TEX11: variants seen among roughly 807,000 people sequenced by gnomAD.
The protein encoded by TEX11 is testis-expressed protein 11.
A neutral mutation model predicts 84.4 loss-of-function variants in TEX11; 7 were observed. That is an observed-to-expected ratio of 0.08 (90% confidence interval 0.05 to 0.16). The LOEUF is 0.16. Ranked by LOEUF, TEX11 falls within the 10% of genes least tolerant of loss-of-function variation. TEX11 has a pLI of 1.00. For synonymous variants in TEX11, 264 were observed against 222.8 expected, an observed-to-expected ratio of 1.18 and a Z score of -1.64; for missense variants, 551 against 660.5, an observed-to-expected ratio of 0.83 and a Z score of 1.82.
At chrX:70,593,964 A>C (rs1363204797) in intron 24 of TEX11, among the ~76,000 whole-genome samples, 1 of 111,954 alleles carries the variant, frequency 8.9e-6, no homozygotes, top group Non-Finnish European at 1.9e-5. Flanking sequence ...AATATTTTAA[A>C]CAAATGGCTG....
At chrX:70,587,384 T>C (rs1009426597) in intron 25 of TEX11, among the ~76,000 whole-genome samples, 1 of 112,274 alleles carries the variant, frequency 8.9e-6, no homozygotes, top group African/African-American at 3.2e-5. Context: ...CTGCTTTGTG[T>C]ACTCTTGGAA....
chrX:70,715,763 G>A (rs1038486605), intron 13 of TEX11, among the ~76,000 whole-genome samples: 6 of 111,735 alleles, frequency 5.4e-5, no homozygotes, highest in Non-Finnish European at 1.1e-4. Flanking sequence ...GGAGTAGTTT[G>A]ATCGTCTGAA....
chrX:70,752,125 CA>C (rs1193949604), intron 9 of TEX11, among the ~76,000 whole-genome samples: 1 of 111,685 alleles, frequency 9.0e-6, no homozygotes, highest in Non-Finnish European at 1.9e-5. Flanking sequence ...TTTAAAAACA[CA>C]ATAAATATGT....
At chrX:70,714,328 T>C (rs1292700150) in intron 13 of TEX11, among the ~76,000 whole-genome samples, 1 of 111,291 alleles carries the variant, frequency 9.0e-6, no homozygotes, top group Non-Finnish European at 1.9e-5. Flanking sequence ...CAGAGCTGAG[T>C]TCAGTTCCTG....
At chrX:70,778,687 G>A (rs1162788347) in intron 9 of TEX11, among the ~76,000 whole-genome samples, 1 of 110,257 alleles carries the variant, frequency 9.1e-6, no homozygotes, top group South Asian at 3.9e-4. Context: ...GTAGAGACAA[G>A]GTCTTGCTAC....
At chrX:70,639,234 C>T (rs146953016) in intron 17 of TEX11, among the ~76,000 whole-genome samples, 2,105 of 111,931 alleles carry the variant, frequency 0.019, 26 homozygotes, top group Middle Eastern at 0.083. Context: ...CAGCGCACCA[C>T]GAGATTATAT....
chrX:70,820,827 T>C (rs2091314642), intron 8 of TEX11, among the ~76,000 whole-genome samples: 2 of 111,806 alleles, frequency 1.8e-5, no homozygotes, highest in Non-Finnish European at 3.8e-5. Flanking sequence ...CATTGGAGAT[T>C]ACGCTTCAAC....
chrX:70,738,191 A>G (rs1451986202), intron 11 of TEX11, among the ~76,000 whole-genome samples: 1 of 112,003 alleles, frequency 8.9e-6, no homozygotes, highest in African/African-American at 3.2e-5. Flanking sequence ...AAATTTTTAC[A>G]ATCTACCCAT....
intron 25 of TEX11, among the ~76,000 whole-genome samples, chrX:70,557,853 T>C (rs1025896667): frequency 4.5e-5 from 5 of 111,991 alleles, no homozygotes; most frequent in Non-Finnish European, 9.4e-5. Flanking sequence ...CAAAGCTTAC[T>C]AGAAAGCAAT....
At chrX:70,853,372 T>G in intron 5 of TEX11, 44 bp from the exon 6 acceptor site, 1 of 920,084 alleles carries the variant, frequency 1.1e-6, no homozygotes, top group Non-Finnish European at 1.5e-6. Context: ...AATTCATACC[T>G]CCCCCAAATT....
chrX:70,598,256 C>A (rs1252373515), intron 24 of TEX11, among the ~76,000 whole-genome samples: 1 of 111,977 alleles, frequency 8.9e-6, no homozygotes, highest in Non-Finnish European at 1.9e-5. Flanking sequence ...AATAAACACA[C>A]GAAAAGATTC....
intron 9 of TEX11, among the ~76,000 whole-genome samples, chrX:70,781,257 A>G (rs1028180685): frequency 5.4e-5 from 6 of 111,927 alleles, no homozygotes; most frequent in Non-Finnish European, 9.4e-5. Context: ...AAACAGAAAG[A>G]AATAGCATCA....
Position 70,563,398 on chromosome X carries a change from T to C in TEX11, c.2141-8598A>G, listed in dbSNP as rs151111143. On this transcript the variant is annotated intron_variant, in intron 25 of 29. Coordinates refer to ENST00000374333, the MANE Select transcript of TEX11 (RefSeq NM_031276.3). ...ATAGTTGATCTGAAGAAGACAGAGC[T>C]TAACAAATGCTTTGGAAACCGTCTT... is the stretch of plus-strand genomic sequence containing the variant. 4.4e-3 allele frequency among the ~76,000 whole-genome samples: 494 copies of C among 112,046 alleles called. 3 individuals are homozygous for C. The highest frequency in any genetic ancestry group is 0.016 in the African/African-American group (479 of 30,884).
At chrX:70,589,507 C>A (rs748097001) in intron 25 of TEX11, among the ~76,000 whole-genome samples, 151 of 110,999 alleles carry the variant, frequency 1.4e-3, no homozygotes, top group Non-Finnish European at 1.5e-3. Context: ...GGACAGTTAG[C>A]ATTCTGACAT....
At chrX:70,761,083 T>C (rs1467861119) in intron 9 of TEX11, among the ~76,000 whole-genome samples, 1 of 111,837 alleles carries the variant, frequency 8.9e-6, no homozygotes, top group Non-Finnish European at 1.9e-5. Flanking sequence ...CCAGTTAGAA[T>C]GGTGATCACT....
intron 17 of TEX11, among the ~76,000 whole-genome samples, chrX:70,642,537 C>T (rs1230662334): frequency 2.3e-4 from 24 of 103,151 alleles, no homozygotes; most frequent in Non-Finnish European, 3.8e-4. Flanking sequence ...ACTGGCAAAC[C>T]GAATCCAGCA....
intron 9 of TEX11, among the ~76,000 whole-genome samples, chrX:70,768,881 C>G (rs1176867918): frequency 8.9e-6 from 1 of 111,855 alleles, no homozygotes; most frequent in African/African-American, 3.2e-5. Flanking sequence ...TTTAACAGTT[C>G]CTTGTCTACA....
rs1204574350 is a variant in TEX11 at position 70,773,017 on chromosome X, GCAA to G, written c.693-28801_693-28799del. ...GGACTCCATAAAGGAAAACAAACAA[GCAA>G]CAACAACAACAAAAAAAACACTATA... On this transcript the variant is annotated intron_variant, in intron 9 of 29. Transcript: ENST00000374333. 1.8e-5 allele frequency among the ~76,000 whole-genome samples: 2 copies of G among 109,719 alleles called. 1 individual carries two copies. Among genetic ancestry groups the G allele is most frequent in the South Asian group, 7.9e-4 (2 of 2,532 alleles).
chrX:70,728,703 G>T lies in TEX11; in HGVS notation c.844-3360C>A, dbSNP rs745322024. 2.6e-3 allele frequency among the ~76,000 whole-genome samples: 280 copies of T among 106,340 alleles called. 1 individual carries two copies. The highest frequency in any genetic ancestry group is 8.9e-3 in the African/African-American group (259 of 29,158). The allele number at this position is 106,340 out of a possible 115,157, so 92.3% of individuals were successfully genotyped here. A position where few individuals can be genotyped will look rare whatever the true frequency, so the allele number is the denominator to read the frequency against. On this transcript the variant is annotated intron_variant, in intron 11 of 29. Transcript: ENST00000374333. Reference sequence around the variant, plus strand: ...GGTGGAGCCCACTGCAGCTCAAGGAGGCCTGCCTGCCTCTGTAGACTCCAC... The same window carrying T: ...GGTGGAGCCCACTGCAGCTCAAGGATGCCTGCCTGCCTCTGTAGACTCCAC...
Sources: gnomAD v4.1 joint callset for allele counts (sites outside exome capture counted in the v4.1 genomes callset) on GRCh38, gnomAD v4.1.1 for gene constraint, MANE v1.5 for transcripts, NCBI Gene and HGNC (gene_info 2026-07-23, HGNC 2026-07-21) for gene names.